The following CNTN1 variants were observed in gnomAD, a reference collection of about 807,000 sequenced individuals.
The protein encoded by CNTN1 is contactin 1.
A neutral mutation model predicts 126.4 loss-of-function variants in CNTN1; 38 were observed. The ratio of observed to expected loss-of-function variants is 0.30; its 90% confidence interval spans 0.23 to 0.39. The LOEUF (loss-of-function observed/expected upper bound fraction) is 0.39. CNTN1 is among the 10% of genes least tolerant of loss of function. The pLI, the probability that CNTN1 is intolerant of heterozygous loss-of-function variation, is 1.00. For missense variants in CNTN1, 1,009 were observed against 1,248.4 expected (o/e 0.81, Z 2.89); for synonymous variants, 413 against 422.6 (o/e 0.98, Z 0.28).
At chr12:40,769,917 T>A (rs1191860629) in intron 1 of CNTN1, among the ~76,000 whole-genome samples, 1 of 152,092 alleles carries the variant, frequency 6.6e-6, no homozygotes, top group African/African-American at 2.4e-5. Context: ...AGAACATTAT[T>A]AAAAATAAAA....
chr12:41,048,790 G>C (rs1348837124), intron 23 of CNTN1, among the ~76,000 whole-genome samples: 1 of 151,814 alleles, frequency 6.6e-6, no homozygotes, highest in Non-Finnish European at 1.5e-5. Context: ...AAGGAAGGAA[G>C]GAAGGAACGA....
intron 17 of CNTN1, among the ~76,000 whole-genome samples, chr12:41,008,256 A>G (rs534965039): frequency 3.7e-4 from 56 of 152,324 alleles, no homozygotes; most frequent in Non-Finnish European, 2.1e-4. Context: ...GAATATGACT[A>G]TTAAGATTGC....
At chr12:40,933,127 T>C (rs1945953497) in intron 7 of CNTN1, among the ~76,000 whole-genome samples, 1 of 151,930 alleles carries the variant, frequency 6.6e-6, no homozygotes, top group Admixed American at 6.6e-5. Flanking sequence ...TCTCCCTCAT[T>C]TTCTTTCTCC....
intron 23 of CNTN1, among the ~76,000 whole-genome samples, chr12:41,031,779 G>C (rs955412394): frequency 6.6e-6 from 1 of 152,004 alleles, no homozygotes; most frequent in Admixed American, 6.6e-5. Flanking sequence ...CAAATAAACT[G>C]TAGAATTAAC....
chr12:40,974,859 T>C (rs1387576438), intron 15 of CNTN1, among the ~76,000 whole-genome samples: 1 of 152,130 alleles, frequency 6.6e-6, no homozygotes, highest in East Asian at 1.9e-4. Flanking sequence ...GCATAATTTT[T>C]ATTAAAATGT....
chr12:40,977,615 T>C (rs570766462), intron 15 of CNTN1, among the ~76,000 whole-genome samples: 1 of 152,266 alleles, frequency 6.6e-6, no homozygotes, highest in East Asian at 1.9e-4. Flanking sequence ...AATTAATAAC[T>C]CCTGCCAGGT....
chr12:40,719,725 C>G (rs986185830), intron 1 of CNTN1, among the ~76,000 whole-genome samples: 1 of 152,124 alleles, frequency 6.6e-6, no homozygotes, highest in Non-Finnish European at 1.5e-5. Context: ...TCTTAGACAA[C>G]GAAGCAAATA....
intron 1 of CNTN1, among the ~76,000 whole-genome samples, chr12:40,752,938 G>A (rs778634518): frequency 3.3e-5 from 5 of 152,052 alleles, no homozygotes; most frequent in Non-Finnish European, 5.9e-5. Flanking sequence ...TTCTGTGACT[G>A]CCCAAGCTAC....
chr12:40,819,891 T>G (rs1356074892), intron 1 of CNTN1, among the ~76,000 whole-genome samples: 1 of 152,118 alleles, frequency 6.6e-6, no homozygotes, highest in Non-Finnish European at 1.5e-5. Context: ...ACTCACCACC[T>G]CTCTTGGCTC....
chr12:40,834,454 G>A (rs767635449), intron 1 of CNTN1, among the ~76,000 whole-genome samples: 1 of 152,292 alleles, frequency 6.6e-6, no homozygotes, highest in South Asian at 2.1e-4. Flanking sequence ...CATGATAGCA[G>A]ATGGAAGGGC....
At chr12:40,856,461 C>G (rs1264702044) in intron 1 of CNTN1, among the ~76,000 whole-genome samples, 2 of 151,968 alleles carry the variant, frequency 1.3e-5, no homozygotes, top group Non-Finnish European at 2.9e-5. Flanking sequence ...GAATGATTTG[C>G]CTGGTATCTG....
intron 15 of CNTN1, among the ~76,000 whole-genome samples, chr12:40,969,609 C>T (rs1947430873): frequency 6.6e-6 from 1 of 152,230 alleles, no homozygotes; most frequent in African/African-American, 2.4e-5. Context: ...CCTTTTTCCC[C>T]TAAAAAGCAC....
At chr12:40,720,127 AGGCATG>A (rs1942157787) in intron 1 of CNTN1, among the ~76,000 whole-genome samples, 2 of 87,402 alleles carry the variant, frequency 2.3e-5, no homozygotes. Context: ...CTGGGATTAC[AGGCATG>A]AGCCACCGCG....
intron 1 of CNTN1, among the ~76,000 whole-genome samples, chr12:40,723,339 T>C (rs2121226715): frequency 6.6e-6 from 1 of 152,334 alleles, no homozygotes; most frequent in South Asian, 2.1e-4. Flanking sequence ...ACTAAAGTAG[T>C]TGTCTGGTGA....
At chr12:40,740,644 G>A (rs1024787458) in intron 1 of CNTN1, among the ~76,000 whole-genome samples, 2 of 152,038 alleles carry the variant, frequency 1.3e-5, no homozygotes, top group African/African-American at 4.8e-5. Flanking sequence ...GTCCCCTCCT[G>A]ATATGGTTTT....
At chr12:41,046,843 A>ATTCCTT (rs1949549547) in intron 23 of CNTN1, among the ~76,000 whole-genome samples, 24 of 114,746 alleles carry the variant, frequency 2.1e-4, no homozygotes, top group African/African-American at 6.7e-4. Context: ...CTTATTGCTT[A>ATTCCTT]TTTCTTTTTT....
intron 1 of CNTN1, among the ~76,000 whole-genome samples, chr12:40,702,750 G>T (rs1941635539): frequency 6.6e-6 from 1 of 152,160 alleles, no homozygotes; most frequent in South Asian, 2.1e-4. Flanking sequence ...ATTGAATTAT[G>T]CTATATACGG....
chr12:40,968,756 C>T (rs1225630442), intron 15 of CNTN1, among the ~76,000 whole-genome samples: 2 of 152,114 alleles, frequency 1.3e-5, no homozygotes, highest in Non-Finnish European at 2.9e-5. Flanking sequence ...ATATTTTCAA[C>T]TATCAGTTAT....
chr12:40,787,374 T>C lies in CNTN1; in HGVS notation c.-77+94782T>C, dbSNP rs535882446. Among the ~76,000 whole-genome samples the C allele has an allele frequency of 5.1e-4, 77 of 152,322 alleles. No homozygotes were observed. In the South Asian group the frequency reaches 9.1e-3, roughly 18 times the overall value. ...CTTTTGGGCACACGGGGAAAAGTGT[T>C]ACAGCACAGCTGCATCTTTCAGTGT... On this transcript the variant is annotated intron_variant, in intron 1 of 23. Coordinates refer to ENST00000551295, the MANE Select transcript of CNTN1 (RefSeq NM_001843.4).
Sources: allele counts gnomAD v4.1 joint callset (sites outside exome capture counted in the v4.1 genomes callset), GRCh38; gene constraint gnomAD v4.1.1; transcripts MANE v1.5; gene names NCBI Gene and HGNC (gene_info 2026-07-23, HGNC 2026-07-21).